Variants in DUSP10 observed in about 807,000 individuals in gnomAD.
DUSP10 encodes the protein dual specificity protein phosphatase 10.
Under a neutral mutation model 30.8 loss-of-function variants are expected in DUSP10, and 14 were observed. The observed-to-expected ratio is 0.46, with a 90% CI of 0.30 to 0.71. The LOEUF is 0.71. DUSP10 is among the 30% of genes least tolerant of loss of function. The pLI is 0.08. For missense variants in DUSP10, 550 were observed against 619.4 expected (o/e 0.89, Z 1.19); for synonymous variants, 254 against 250.4 (o/e 1.01, Z -0.14).
chr1:221,704,549 C>T (rs1012984617), intron 3 of DUSP10, among the ~76,000 whole-genome samples: 3 of 152,194 alleles, frequency 2.0e-5, no homozygotes, highest in South Asian at 2.1e-4. Flanking sequence ...TCTTCCTCAG[C>T]GCTCCAGGTT....
rs74402621 is a variant in DUSP10, at chr1:221,739,189, T to C, written c.556A>G (p.Ser186Gly). The change falls in exon 2 of 4, where the codon AGT becomes GGT. Residue 186 changes from serine to glycine, a missense_variant. Ser to Gly is a moderately conservative substitution (Grantham distance 56). Transcript: ENST00000366899. ...ATGTGGACAGCTCCTTGGATGTGAC[T>C]CTTGTTGTACTCCATGAAGGGCCTG... ...DCRPFMEYNKSHIQGAVHINC... is the reference protein window; with the variant it reads ...DCRPFMEYNKGHIQGAVHINC... 1.2e-6 allele frequency: 2 copies of C among 1,614,172 alleles called. No homozygotes were observed. Among genetic ancestry groups the C allele is most frequent in the African/African-American group, 1.3e-5 (1 of 75,036 alleles).
In DUSP10 at chr1:221,706,027, G is replaced by T; in HGVS notation, c.1183+68C>A. 2 of 1,550,464 alleles carry T rather than the reference G, an allele frequency of 1.3e-6. No homozygotes were observed. Among genetic ancestry groups the T allele is most frequent in the Non-Finnish European group, 1.7e-6 (2 of 1,148,828 alleles). The stretch of plus-strand genomic sequence containing the variant: ...CAACACAGGAATAAACCTTGAACTT[G>T]ATATCAAAGCAAGAGCTGGAGGGAA... On this transcript the variant is annotated intron_variant, in intron 3 of 3. Coordinates refer to ENST00000366899, the MANE Select transcript of DUSP10 (RefSeq NM_007207.6). This position sits in a 1 kb window ranked among gnomAD's most constrained non-coding sequence, Gnocchi z 4.6.
intron 2 of DUSP10, among the ~76,000 whole-genome samples, chr1:221,727,536 T>C (rs953017870): frequency 4.6e-5 from 7 of 152,224 alleles, no homozygotes; most frequent in African/African-American, 1.7e-4. Flanking sequence ...ACCATGTTCT[T>C]TGAAAAATGT....
chr1:221,734,417 G>A (rs1033060708), intron 2 of DUSP10, among the ~76,000 whole-genome samples: 3 of 152,128 alleles, frequency 2.0e-5, no homozygotes, highest in African/African-American at 7.2e-5. Flanking sequence ...ACTATACCTA[G>A]CTTGTTATTT....
chr1:221,737,415 T>G, intron 2 of DUSP10: 1 of 985,208 alleles, frequency 1.0e-6, no homozygotes, highest in Non-Finnish European at 1.2e-6. Flanking sequence ...GGTAAGACAA[T>G]AGCAGGGTAA....
chr1:221,735,593 T>C (rs1484251286), intron 2 of DUSP10, among the ~76,000 whole-genome samples: 1 of 152,208 alleles, frequency 6.6e-6, no homozygotes, highest in Non-Finnish European at 1.5e-5. Flanking sequence ...AGGAAAAATA[T>C]AATTGTTTAA....
At chr1:221,739,955 G>A (rs1661901333) in intron 1 of DUSP10, among the ~76,000 whole-genome samples, 168 bp from the exon 2 acceptor site, 1 of 152,202 alleles carries the variant, frequency 6.6e-6, no homozygotes, top group African/African-American at 2.4e-5. Flanking sequence ...TATTCAAAGA[G>A]GATGCAAACC....
intron 2 of DUSP10, among the ~76,000 whole-genome samples, chr1:221,716,641 C>T (rs1661115286): frequency 6.6e-6 from 1 of 152,184 alleles, no homozygotes; most frequent in South Asian, 2.1e-4. Flanking sequence ...GGATTTTGGG[C>T]TTCAATCAAG....
At chr1:221,730,251 C>G (rs1422409772) in intron 2 of DUSP10, among the ~76,000 whole-genome samples, 1 of 152,162 alleles carries the variant, frequency 6.6e-6, no homozygotes, top group African/African-American at 2.4e-5. Flanking sequence ...TGTTCTGATG[C>G]AAAACGGTGA....
At chr1:221,710,165 C>T (rs546008988) in intron 2 of DUSP10, among the ~76,000 whole-genome samples, 6 of 152,242 alleles carry the variant, frequency 3.9e-5, no homozygotes, top group Non-Finnish European at 7.4e-5. Flanking sequence ...ACCAGGTATT[C>T]GATAAATAAT....
intron 2 of DUSP10, among the ~76,000 whole-genome samples, chr1:221,712,947 T>G (rs1194738160): frequency 6.6e-6 from 1 of 152,190 alleles, no homozygotes; most frequent in Non-Finnish European, 1.5e-5. Context: ...TCAATGATTT[T>G]GTGTGTACAA....
chr1:221,723,146 C>T (rs1661324679), intron 2 of DUSP10, among the ~76,000 whole-genome samples: 1 of 152,118 alleles, frequency 6.6e-6, no homozygotes. Flanking sequence ...TAACATGATG[C>T]CAACTGGGAG....
intron 2 of DUSP10, among the ~76,000 whole-genome samples, chr1:221,728,557 A>G (rs1200328932): frequency 1.3e-5 from 2 of 152,234 alleles, no homozygotes; most frequent in Non-Finnish European, 2.9e-5. Flanking sequence ...GAAACTAAAC[A>G]GTAAATGGTT....
chr1:221,724,315 T>C (rs1259755193), intron 2 of DUSP10, among the ~76,000 whole-genome samples: 1 of 148,256 alleles, frequency 6.7e-6, no homozygotes, highest in African/African-American at 2.6e-5. Context: ...TTGATAGACA[T>C]GGAATTCAGG....
chr1:221,736,324 C>A (rs1330516306), intron 2 of DUSP10, among the ~76,000 whole-genome samples: 1 of 152,192 alleles, frequency 6.6e-6, no homozygotes, highest in African/African-American at 2.4e-5. Flanking sequence ...GTACTGAAAT[C>A]TCTGAAAATA....
chr1:221,736,642 G>A (rs552965511), intron 2 of DUSP10, among the ~76,000 whole-genome samples: 2 of 152,170 alleles, frequency 1.3e-5, no homozygotes, highest in Admixed American at 6.5e-5. Flanking sequence ...AAAGGATAAC[G>A]AAGGGCATTC....
At position 221,731,859 on chromosome 1, in the gene DUSP10, G is replaced by A. The variant is rs567721410; in HGVS notation, c.811+7075C>T. Among the ~76,000 whole-genome samples, 4 of 151,712 alleles carry A rather than the reference G, an allele frequency of 2.6e-5. No homozygotes were observed. In the East Asian group the frequency reaches 5.8e-4, roughly 22 times the overall value. On this transcript the variant is annotated intron_variant, in intron 2 of 3. Transcript: ENST00000366899. ...CTTGACCTCATGATCCATCTGCCTC[G>A]GCCTCCCAAAGTGCTGGGATTACAG...
chr1:221,732,758 T>A (rs1571830119), intron 2 of DUSP10, among the ~76,000 whole-genome samples: 1 of 152,284 alleles, frequency 6.6e-6, no homozygotes, highest in East Asian at 1.9e-4. Context: ...TAGAATCACT[T>A]TGGGAGCTTT....
chr1:221,702,319 C>CA lies in DUSP10; in HGVS notation c.*92dup, dbSNP rs3215279. On this transcript the variant is annotated 3_prime_UTR_variant, in exon 4 of 4. Coordinates refer to ENST00000366899, the MANE Select transcript of DUSP10 (RefSeq NM_007207.6). The surrounding 1 kb of genome is among the most constrained non-coding windows in gnomAD (Gnocchi z 4.5). ...CCATTCACAAACTTACTCCCAACTA[C>CA]AAAAAAAAAAAGAAAGAAAAAAAAC... The CA allele has an allele frequency of 0.048, 48,156 of 1,010,730 alleles. 1 individual carries two copies. The highest frequency in any genetic ancestry group is 0.053 in the Non-Finnish European group (39,368 of 746,536). 62.6% of individuals were successfully genotyped at this position (1,010,730 alleles called of 1,614,324 possible).
Sources: gnomAD v4.1 joint callset for allele counts (sites outside exome capture counted in the v4.1 genomes callset) on GRCh38, gnomAD v4.1.1 for gene constraint, Gnocchi (gnomAD v3.1) non-coding constraint, MANE v1.5 for transcripts, NCBI Gene and HGNC (gene_info 2026-07-23, HGNC 2026-07-21) for gene names.